EFR3A: variants seen among roughly 807,000 people sequenced by gnomAD.
EFR3A encodes the protein EFR3 homolog A, also known as protein EFR3 homolog A.
In EFR3A, 76 loss-of-function variants were observed where a neutral mutation model predicts 104.4. The observed-to-expected ratio is 0.73, with a 90% CI of 0.60 to 0.88. The LOEUF (loss-of-function observed/expected upper bound fraction) is 0.88. Among genes scored for constraint, EFR3A ranks in the 40% least tolerant of loss-of-function variants. EFR3A has a pLI of 0.00. For missense variants in EFR3A, 985 were observed against 1,012.5 expected, an observed-to-expected ratio of 0.97 and a Z score of 0.37; for synonymous variants, 330 against 330.0, an observed-to-expected ratio of 1.00 and a Z score of 0.00.
intron 1 of EFR3A, among the ~76,000 whole-genome samples, chr8:131,911,142 A>T (rs1021059641): frequency 6.6e-6 from 1 of 152,234 alleles, no homozygotes; most frequent in Non-Finnish European, 1.5e-5. Flanking sequence ...ACTAAGATGG[A>T]AAAATGAAGT....
chr8:131,950,437 A>T (rs1818641398), intron 5 of EFR3A, among the ~76,000 whole-genome samples: 1 of 152,130 alleles, frequency 6.6e-6, no homozygotes, highest in Non-Finnish European at 1.5e-5. Context: ...CCCTTTGGAC[A>T]CATTGGTCTT....
intron 14 of EFR3A, among the ~76,000 whole-genome samples, chr8:131,982,891 T>C (rs1446775741): frequency 6.6e-6 from 1 of 152,036 alleles, no homozygotes; most frequent in Non-Finnish European, 1.5e-5. Context: ...GAAACCAAAA[T>C]AACAACTTCA....
intron 1 of EFR3A, among the ~76,000 whole-genome samples, chr8:131,922,380 A>G (rs1208239787): frequency 6.6e-6 from 1 of 152,162 alleles, no homozygotes; most frequent in African/African-American, 2.4e-5. Context: ...AGCACTCAAA[A>G]GAAATGCTCT....
chr8:132,003,277 C>G lies in EFR3A; in HGVS notation c.2352C>G (p.Leu784=). The change falls in exon 22 of 23, where the codon CTC becomes CTG. Residue 784 remains leucine, a synonymous_variant. Transcript: ENST00000254624. ...LHDRLAQILE[L]TIRPPPSPSG... is the part of the protein sequence containing the mutation. ...ATAGACTTGCCCAAATATTGGAACTCACCATACGGTAAGGGTTTTGTTATC... is the reference window on the plus strand; with the variant it reads ...ATAGACTTGCCCAAATATTGGAACTGACCATACGGTAAGGGTTTTGTTATC... 1 of 1,612,342 alleles carries G rather than the reference C, an allele frequency of 6.2e-7. No homozygotes were observed. Among genetic ancestry groups the G allele is most frequent in the Non-Finnish European group, 8.5e-7 (1 of 1,179,052 alleles).
Position 131,904,146 on chromosome 8 carries a change from T to A in EFR3A, c.-167T>A. 1.3e-6 allele frequency: 1 copy of A among 763,906 alleles called. No homozygotes were observed. 47.3% of individuals were successfully genotyped at this position (763,906 alleles called of 1,614,324 possible). A position where few individuals can be genotyped will look rare whatever the true frequency, so the allele number is the denominator to read the frequency against. ...GCTGGCGGCGGTAGCTGTCGCCCGC[T>A]TGGTTGCGTGACCGCGGGGTCCGCG... On this transcript the variant is annotated 5_prime_UTR_variant, in exon 1 of 23. In the 5' UTR this introduces an upstream ATG that the reference lacks. Transcript: ENST00000254624.
At chr8:131,933,725 T>G (rs908351646) in intron 1 of EFR3A, among the ~76,000 whole-genome samples, 1 of 152,044 alleles carries the variant, frequency 6.6e-6, no homozygotes, top group Non-Finnish European at 1.5e-5. Flanking sequence ...ATTAAAACTT[T>G]TTAAATTAAA....
chr8:131,975,664 C>T (rs1293876706), intron 10 of EFR3A, among the ~76,000 whole-genome samples: 1 of 152,112 alleles, frequency 6.6e-6, no homozygotes, highest in Non-Finnish European at 1.5e-5. Context: ...GATCCGCACA[C>T]CTCGGCCTCC....
chr8:131,928,303 C>A (rs939121244), intron 1 of EFR3A, among the ~76,000 whole-genome samples: 2 of 152,030 alleles, frequency 1.3e-5, no homozygotes, highest in Admixed American at 1.3e-4. Context: ...TTTTCTTATA[C>A]GTTCGACATT....
intron 1 of EFR3A, among the ~76,000 whole-genome samples, chr8:131,929,519 A>G (rs1023501740): frequency 1.4e-4 from 21 of 152,126 alleles, no homozygotes; most frequent in African/African-American, 5.1e-4. Context: ...CCCATTAGCT[A>G]TTATCTCATA....
chr8:131,936,792 G>A (rs74528486), intron 1 of EFR3A, among the ~76,000 whole-genome samples: 2,551 of 152,200 alleles, frequency 0.017, 63 homozygotes, highest in African/African-American at 0.055. Context: ...AAGGAGTGAG[G>A]AGCTTCCATA....
At chr8:131,914,141 G>C (rs115504606) in intron 1 of EFR3A, among the ~76,000 whole-genome samples, 3,075 of 152,214 alleles carry the variant, frequency 0.02, 53 homozygotes, top group South Asian at 0.032. Context: ...CATCTACAGT[G>C]GGGGGGACAC....
intron 19 of EFR3A, among the ~76,000 whole-genome samples, chr8:132,000,233 A>C (rs1251779849): frequency 2.0e-5 from 3 of 152,074 alleles, no homozygotes; most frequent in Non-Finnish European, 4.4e-5. Context: ...GGTTCACGCC[A>C]TTCTCCTGCC....
In EFR3A at chr8:131,951,730, T is replaced by G. The variant is rs191870134; in HGVS notation, c.488+1640T>G. ...ACCAATGAAAGGACTTATAGTACAA[T>G]TTGCTAACTCTAGGTCTTTCCAATA... On this transcript the variant is annotated intron_variant, in intron 5 of 22. Coordinates refer to ENST00000254624, the MANE Select transcript of EFR3A (RefSeq NM_015137.6). Among the ~76,000 whole-genome samples, 1,019 of 152,242 alleles carry G rather than the reference T, an allele frequency of 6.7e-3. 4 individuals carry two copies. The highest frequency in any genetic ancestry group is 0.017 in the Middle Eastern group (5 of 294).
intron 18 of EFR3A, among the ~76,000 whole-genome samples, chr8:131,990,652 C>T (rs1254959865): frequency 5.3e-5 from 8 of 152,024 alleles, no homozygotes. Flanking sequence ...AGAAGTAGTA[C>T]TTTGGTTGTA....
intron 1 of EFR3A, chr8:131,924,082 T>G: frequency 2.3e-6 from 1 of 438,160 alleles, no homozygotes; most frequent in Non-Finnish European, 4.6e-6. Context: ...GTTTAGATAT[T>G]TCTTAGGTCA....
chr8:131,950,114 T>C, intron 5 of EFR3A, 24 bp downstream of exon 5: 1 of 1,571,124 alleles, frequency 6.4e-7, no homozygotes, highest in South Asian at 1.2e-5. Flanking sequence ...TACTTTATGA[T>C]CTATAGTAAG....
At chr8:131,925,670 G>A (rs1017040224) in intron 1 of EFR3A, among the ~76,000 whole-genome samples, 1 of 151,670 alleles carries the variant, frequency 6.6e-6, no homozygotes, top group Non-Finnish European at 1.5e-5. Context: ...TTTTTAATAA[G>A]GTCTTCTCTC....
At chr8:131,996,569 C>A in intron 19 of EFR3A, 72 bp downstream of exon 19, 1 of 836,442 alleles carries the variant, frequency 1.2e-6, no homozygotes, top group Non-Finnish European at 1.8e-6. Flanking sequence ...TTGCCTTCCA[C>A]ACTTTCGAAC....
intron 18 of EFR3A, among the ~76,000 whole-genome samples, chr8:131,988,211 A>G (rs1349062279): frequency 6.6e-6 from 1 of 151,842 alleles, no homozygotes; most frequent in African/African-American, 2.4e-5. Context: ...ATTGCTTGAA[A>G]TAATTCTGTT....
Sources: allele counts gnomAD v4.1 joint callset (sites outside exome capture counted in the v4.1 genomes callset), GRCh38; gene constraint gnomAD v4.1.1; transcripts MANE v1.5; gene names NCBI Gene and HGNC (gene_info 2026-07-23, HGNC 2026-07-21).